The following LRRC37A2 variants were observed in gnomAD, a reference collection of about 807,000 sequenced individuals.
LRRC37A2 encodes the protein leucine rich repeat containing 37 member A2.
In LRRC37A2, 9 loss-of-function variants were observed where a neutral mutation model predicts 68.8. That is an observed-to-expected ratio of 0.13 (90% CI 0.08 to 0.23). The LOEUF is 0.23. LRRC37A2 is among the 10% of genes least tolerant of loss of function. LRRC37A2 has a pLI of 1.00. For synonymous variants in LRRC37A2, 63 were observed against 367.6 expected, an observed-to-expected ratio of 0.17 and a Z score of 9.48; for missense variants, 168 against 950.4, an observed-to-expected ratio of 0.18 and a Z score of 10.82.
chr17:46,943,149 C>G, the LRRC37A2 span, among the ~76,000 whole-genome samples: 1 of 152,164 alleles, frequency 6.6e-6, no homozygotes, highest in Non-Finnish European at 1.5e-5. Flanking sequence ...AAGGCTAGCC[C>G]GTCCCCCATG....
chr17:46,785,278 C>T, the LRRC37A2 span, among the ~76,000 whole-genome samples: 1 of 152,178 alleles, frequency 6.6e-6, no homozygotes, highest in Non-Finnish European at 1.5e-5. Context: ...TAACTCTGAG[C>T]CTTTGGGCTT....
chr17:46,490,926 C>A, the LRRC37A2 span, among the ~76,000 whole-genome samples: 1 of 145,082 alleles, frequency 6.9e-6, no homozygotes, highest in Admixed American at 6.8e-5. Context: ...CTTTTTTTCT[C>A]TTCTGTCACC....
the LRRC37A2 span, among the ~76,000 whole-genome samples, chr17:46,884,074 C>T: frequency 5.9e-5 from 9 of 152,108 alleles, no homozygotes; most frequent in Admixed American, 2.0e-4. Context: ...CCTGACCCAG[C>T]GTCCGAATTC....
the LRRC37A2 span, chr17:46,769,977 C>T: frequency 1.2e-6 from 2 of 1,610,424 alleles, no homozygotes; most frequent in South Asian, 2.2e-5. Flanking sequence ...GTGCCCTCGG[C>T]GCAGGAGCGG....
the LRRC37A2 span, among the ~76,000 whole-genome samples, chr17:46,491,743 TTTAAG>T: frequency 2.7e-5 from 4 of 146,798 alleles, no homozygotes; most frequent in Admixed American, 1.3e-4. Flanking sequence ...TTTTTTTCTG[TTTAAG>T]TTTTTTTTTT....
At chr17:46,613,217 A>G in the LRRC37A2 span, among the ~76,000 whole-genome samples, 1 of 23,282 alleles carries the variant, frequency 4.3e-5, no homozygotes, top group Non-Finnish European at 1.3e-4. Flanking sequence ...ATTTGAGGTT[A>G]CAGTGAGCTG....
chr17:46,873,510 C>T, the LRRC37A2 span, among the ~76,000 whole-genome samples: 7 of 152,256 alleles, frequency 4.6e-5, no homozygotes, highest in East Asian at 9.7e-4. Context: ...GACACAGCTC[C>T]GGGTGGGTCT....
chr17:46,832,675 T>A, the LRRC37A2 span: 1 of 152,258 alleles, frequency 6.6e-6, no homozygotes, highest in African/African-American at 2.4e-5. Context: ...CTGGGGATTA[T>A]GGATGAACGA....
the LRRC37A2 span, among the ~76,000 whole-genome samples, chr17:46,722,957 A>G: frequency 6.6e-6 from 1 of 152,212 alleles, no homozygotes; most frequent in Non-Finnish European, 1.5e-5. Context: ...TGCAAAAAAC[A>G]AGAACGTCAC....
At chr17:46,819,357 C>CT in the LRRC37A2 span, among the ~76,000 whole-genome samples, 2 of 152,182 alleles carry the variant, frequency 1.3e-5, no homozygotes, top group Non-Finnish European at 2.9e-5. The surrounding 1 kb of genome is among the most constrained non-coding windows in gnomAD (Gnocchi z 5.3). Context: ...TCATTTGAGT[C>CT]TTTTGTCAGG....
the LRRC37A2 span, chr17:46,948,532 A>G: frequency 7.2e-5 from 11 of 152,358 alleles, no homozygotes; most frequent in Non-Finnish European, 1.0e-4. Context: ...TTCATTACCT[A>G]TTAGGACTTG....
chr17:46,733,822 C>T, the LRRC37A2 span, among the ~76,000 whole-genome samples: 1 of 152,192 alleles, frequency 6.6e-6, no homozygotes, highest in African/African-American at 2.4e-5. Context: ...TGAAGTAGAA[C>T]TCAGACCTAA....
At chr17:46,963,336 A>G in the LRRC37A2 span, among the ~76,000 whole-genome samples, 22 of 152,152 alleles carry the variant, frequency 1.4e-4, no homozygotes, top group African/African-American at 5.1e-4. Flanking sequence ...CTTGAGGTCA[A>G]GAGTTTGAGA....
the LRRC37A2 span, among the ~76,000 whole-genome samples, chr17:46,965,714 C>G: frequency 6.6e-6 from 1 of 152,162 alleles, no homozygotes; most frequent in South Asian, 2.1e-4. Flanking sequence ...CCTCGACCTC[C>G]TGGGCTCAAT....
At chr17:46,890,631 C>T in the LRRC37A2 span, among the ~76,000 whole-genome samples, 5 of 152,210 alleles carry the variant, frequency 3.3e-5, no homozygotes, top group Non-Finnish European at 5.9e-5. Flanking sequence ...GCCCCTGAAC[C>T]GGGGTCTATC....
At chr17:46,867,859 T>C in the LRRC37A2 span, among the ~76,000 whole-genome samples, 9,965 of 151,994 alleles carry the variant, frequency 0.066, 1,126 homozygotes, top group African/African-American at 0.23. Context: ...GTTGGGGGTG[T>C]CCTGGGGTCC....
At chr17:46,501,000 T>G in the LRRC37A2 span, among the ~76,000 whole-genome samples, 1 of 151,154 alleles carries the variant, frequency 6.6e-6, no homozygotes, top group Non-Finnish European at 1.5e-5. Flanking sequence ...GCTAACATGG[T>G]GAGACCCCGT....
At chr17:46,740,153 G>A in the LRRC37A2 span, among the ~76,000 whole-genome samples, 1 of 152,076 alleles carries the variant, frequency 6.6e-6, no homozygotes, top group Admixed American at 6.6e-5. Flanking sequence ...GCTTATTTCT[G>A]GTTCTTGGCT....
At chr17:46,501,172 A>G in the LRRC37A2 span, among the ~76,000 whole-genome samples, 1 of 151,164 alleles carries the variant, frequency 6.6e-6, no homozygotes, top group Non-Finnish European at 1.5e-5. Flanking sequence ...ACAAGCCACC[A>G]TGCCCAGCTA....
Sources: allele counts gnomAD v4.1 joint callset (sites outside exome capture counted in the v4.1 genomes callset), GRCh38; gene constraint gnomAD v4.1.1; non-coding constraint Gnocchi (gnomAD v3.1); transcripts MANE v1.5; gene names NCBI Gene and HGNC (gene_info 2026-07-23, HGNC 2026-07-21).